JADE3: variants seen among roughly 807,000 people sequenced by gnomAD.
JADE3 encodes the protein jade family PHD finger 3.
In JADE3, 2 loss-of-function variants were observed where a neutral mutation model predicts 50.1. The observed-to-expected ratio is 0.04, with a 90% CI of 0.02 to 0.13. The LOEUF (loss-of-function observed/expected upper bound fraction) is 0.13. JADE3 is among the 10% of genes least tolerant of loss of function. The pLI, the probability that JADE3 is intolerant of heterozygous loss-of-function variation, is 1.00. For missense variants in JADE3, 475 were observed against 634.4 expected, an observed-to-expected ratio of 0.75 and a Z score of 2.70; for synonymous variants, 218 against 232.9, an observed-to-expected ratio of 0.94 and a Z score of 0.58.
chrX:46,926,166 AT>A (rs782372683), intron 1 of JADE3, among the ~76,000 whole-genome samples: 31 of 105,287 alleles, frequency 2.9e-4, no homozygotes, highest in South Asian at 2.0e-3. Context: ...AAGTGCTGGG[AT>A]TGTAGGCCTG....
Position 47,058,286 on chromosome X carries a change from G to A in JADE3, c.1681G>A (p.Asp561Asn), listed in dbSNP as rs1375932421. Residue 561 changes from aspartate (D) to asparagine (N), a missense_variant, in exon 11 of 11, where the codon GAT (aspartate) becomes AAT (asparagine). Transcript: ENST00000614628. The part of the protein sequence containing the change: ...EDHRNSSTET[D>N]QQPHSPDSSS... ...CCACAGAAACAGCTCCACAGAAACC[G>A]ATCAGCAGCCCCACTCTCCTGACAG... The A allele has an allele frequency of 2.5e-6, 3 of 1,210,501 alleles. No individual in the cohort carries two copies. The highest frequency in any genetic ancestry group is 2.3e-4 in the Middle Eastern group (1 of 4,350).
At chrX:47,054,770 C>A (rs1929600943) in intron 9 of JADE3, 142 bp downstream of exon 9, 3 of 433,510 alleles carry the variant, frequency 6.9e-6, no homozygotes, top group Non-Finnish European at 1.2e-5. Context: ...CTTTATGGCC[C>A]CAGACATTGG....
intron 1 of JADE3, among the ~76,000 whole-genome samples, chrX:46,946,395 G>A (rs1857043934): frequency 9.0e-6 from 1 of 111,699 alleles, no homozygotes; most frequent in South Asian, 3.7e-4. Context: ...CTCCCATGGA[G>A]GTAGCATAAT....
intron 4 of JADE3, among the ~76,000 whole-genome samples, chrX:47,012,502 G>A (rs1441632997): frequency 9.0e-6 from 1 of 110,921 alleles, no homozygotes; most frequent in South Asian, 3.8e-4. Flanking sequence ...GATTGCTTGA[G>A]CCCAGGAGTT....
chrX:47,000,393 T>C (rs1017687050), intron 4 of JADE3, among the ~76,000 whole-genome samples: 3 of 111,353 alleles, frequency 2.7e-5, no homozygotes, highest in Non-Finnish European at 5.7e-5. Flanking sequence ...GTCTCGTTGG[T>C]AAGTCAGTAT....
At chrX:46,941,774 C>T (rs894216503) in intron 1 of JADE3, among the ~76,000 whole-genome samples, 1 of 109,202 alleles carries the variant, frequency 9.2e-6, no homozygotes, top group Non-Finnish European at 1.9e-5. Flanking sequence ...CACTCTGTTG[C>T]CCAGGCTGGA....
rs782130503 is a variant in JADE3, at chrX:47,014,106, C to T, written c.285-10618C>T. Among the ~76,000 whole-genome samples the T allele has an allele frequency of 8.9e-5, 10 of 112,240 alleles. No homozygotes were observed. In the East Asian group the frequency reaches 2.8e-3, roughly 31 times the overall value. ...CAAAGAAATGCTTCAGGATCTTGATCCCACTTGTTTAAAATTTCCATTGAA... is the reference window on the plus strand; with the variant it reads ...CAAAGAAATGCTTCAGGATCTTGATTCCACTTGTTTAAAATTTCCATTGAA... On this transcript the variant is annotated intron_variant, in intron 4 of 10. Coordinates refer to ENST00000614628, the MANE Select transcript of JADE3 (RefSeq NM_014735.5).
chrX:47,056,046 A>G, intron 9 of JADE3, 36 bp from the exon 10 acceptor site: 2 of 924,339 alleles, frequency 2.2e-6, no homozygotes, highest in Non-Finnish European at 3.1e-6. Flanking sequence ...GCTTAACATG[A>G]CAAACATCTC....
At position 46,968,336 on chromosome X, in the gene JADE3, C is replaced by G. The variant is rs189121173; in HGVS notation, c.-11-16548C>G. Among the ~76,000 whole-genome samples the G allele has an allele frequency of 2.7e-4, 30 of 111,701 alleles. No homozygotes were observed. The Admixed American group carries it at 2.8e-3, about 10-fold the overall frequency. ...TTGCAAAAATAGTGCAGAGAGCAAACTTCCCATTCCAGACAGGATGGAGTA... is the reference window on the plus strand; with the variant it reads ...TTGCAAAAATAGTGCAGAGAGCAAAGTTCCCATTCCAGACAGGATGGAGTA... On this transcript the variant is annotated intron_variant, in intron 1 of 10. Coordinates refer to ENST00000614628, the MANE Select transcript of JADE3 (RefSeq NM_014735.5).
In JADE3 at chrX:47,058,670, G is replaced by A. The variant is rs1929689320; in HGVS notation, c.2065G>A (p.Asp689Asn). 8.3e-7 allele frequency: 1 copy of A among 1,209,718 alleles called. No homozygotes were observed. Among genetic ancestry groups the A allele is most frequent in the Non-Finnish European group, 1.1e-6 (1 of 895,196 alleles). Residue 689 changes from aspartate (D) to asparagine (N), a missense_variant, in exon 11 of 11, where the codon GAC becomes AAC. Coordinates refer to ENST00000614628, the MANE Select transcript of JADE3 (RefSeq NM_014735.5). ...AGACAGCTCGAGTGAGATGTTCTGT[G>A]ACCAGGAGCCTGTGTTCAGCCCCCA... ...QKDSSSEMFC[D>N]QEPVFSPHLV...
intron 1 of JADE3, among the ~76,000 whole-genome samples, chrX:46,944,387 C>T (rs1234447229): frequency 2.8e-5 from 3 of 107,559 alleles, no homozygotes; most frequent in Non-Finnish European, 5.8e-5. Flanking sequence ...CTCACTGCAA[C>T]CTCCGCCTCC....
chrX:47,012,951 C>T (rs149034060), intron 4 of JADE3, among the ~76,000 whole-genome samples: 17 of 111,430 alleles, frequency 1.5e-4, no homozygotes, highest in Non-Finnish European at 2.8e-4. Context: ...ATAAGTCAGG[C>T]TGCTATGAAA....
chrX:46,972,496 A>C (rs1256390107), intron 1 of JADE3, among the ~76,000 whole-genome samples: 2 of 111,754 alleles, frequency 1.8e-5, no homozygotes, highest in African/African-American at 6.5e-5. Flanking sequence ...GCACCCGGCC[A>C]CAAGTTTTGA....
At chrX:46,923,072 G>C (rs950349460) in intron 1 of JADE3, among the ~76,000 whole-genome samples, 3 of 110,731 alleles carry the variant, frequency 2.7e-5, no homozygotes, top group South Asian at 3.8e-4. Flanking sequence ...GAGTGCAGTG[G>C]CATGATCATG....
chrX:47,029,259 A>G (rs1263976541), intron 6 of JADE3, among the ~76,000 whole-genome samples: 1 of 112,388 alleles, frequency 8.9e-6, no homozygotes, highest in Non-Finnish European at 1.9e-5. Context: ...GGTAGCACCC[A>G]AGCTAAATCT....
chrX:47,000,267 T>C (rs1928248178), intron 4 of JADE3, among the ~76,000 whole-genome samples: 1 of 111,693 alleles, frequency 9.0e-6, no homozygotes, highest in African/African-American at 3.3e-5. Flanking sequence ...TTGAGTGTTT[T>C]CATGTCCTTG....
At chrX:46,979,558 C>A (rs1474144472) in intron 1 of JADE3, among the ~76,000 whole-genome samples, 1 of 111,954 alleles carries the variant, frequency 8.9e-6, no homozygotes, top group African/African-American at 3.2e-5. Context: ...ACTTTCATTT[C>A]TCTGGGATAA....
intron 1 of JADE3, among the ~76,000 whole-genome samples, chrX:46,961,469 C>T (rs34353144): frequency 0.055 from 6,188 of 112,002 alleles, 183 homozygotes; most frequent in Non-Finnish European, 0.086. Context: ...TATTTCAAAT[C>T]GTTGCATATT....
chrX:46,952,610 C>T (rs1193548916), intron 1 of JADE3, among the ~76,000 whole-genome samples: 4 of 112,234 alleles, frequency 3.6e-5, no homozygotes, highest in African/African-American at 1.3e-4. Flanking sequence ...CCAGGGCTTT[C>T]CTTTTTAGTC....
Sources: allele counts gnomAD v4.1 joint callset (sites outside exome capture counted in the v4.1 genomes callset), GRCh38; gene constraint gnomAD v4.1.1; transcripts MANE v1.5; gene names NCBI Gene and HGNC (gene_info 2026-07-23, HGNC 2026-07-21).